Variants in CD8B observed in about 807,000 individuals in gnomAD.
The protein encoded by CD8B is T-cell surface glycoprotein CD8 beta chain.
Under a neutral mutation model 24.2 loss-of-function variants are expected in CD8B, and 6 were observed. That is an observed-to-expected ratio of 0.25 (90% CI 0.14 to 0.49). The LOEUF (loss-of-function observed/expected upper bound fraction) is 0.49, where lower values mean the gene tolerates loss of function less well. Ranked by LOEUF, CD8B falls within the 20% of genes least tolerant of loss-of-function variation. CD8B has a pLI of 0.98. For synonymous variants in CD8B, 84 were observed against 108.3 expected, an observed-to-expected ratio of 0.78 and a Z score of 1.39; for missense variants, 196 against 271.3, an observed-to-expected ratio of 0.72 and a Z score of 1.95.
At chr2:86,853,698 T>C (rs1410494240) in intron 2 of CD8B, among the ~76,000 whole-genome samples, 1 of 151,458 alleles carries the variant, frequency 6.6e-6, no homozygotes, top group Non-Finnish European at 1.5e-5. Flanking sequence ...TTTATTTTTA[T>C]TTATTTATTT....
intron 5 of CD8B, among the ~76,000 whole-genome samples, chr2:86,843,071 C>T (rs912396251): frequency 3.3e-5 from 5 of 152,082 alleles, no homozygotes; most frequent in Non-Finnish European, 5.9e-5. Context: ...GAAAGGTCAT[C>T]ATGGGAGACA....
chr2:86,838,247 A>G lies in CD8B; in HGVS notation c.*4060T>C, dbSNP rs1222979568. Among the ~76,000 whole-genome samples, 1 of 152,228 alleles carries G rather than the reference A, an allele frequency of 6.6e-6. No individual in the cohort carries two copies. Among genetic ancestry groups the G allele is most frequent in the East Asian group, 1.9e-4 (1 of 5,202 alleles). On this transcript the variant is annotated 3_prime_UTR_variant, in exon 6 of 6. Coordinates refer to ENST00000390655, the MANE Select transcript of CD8B (RefSeq NM_004931.5). ...TAAAAATTCACACAAGGAACTGTAC[A>G]AAGCAGAAGTGGAAATTCCGCAGAG...
intron 5 of CD8B, among the ~76,000 whole-genome samples, chr2:86,829,054 C>T (rs1674801709): frequency 6.6e-6 from 1 of 150,574 alleles, no homozygotes; most frequent in Non-Finnish European, 1.5e-5. Flanking sequence ...CACACCAACC[C>T]CTGTCACATT....
At chr2:86,815,842 ACAGAAAGAGC>A in intron 5 of CD8B, 1 of 690,880 alleles carries the variant, frequency 1.4e-6, no homozygotes, top group East Asian at 2.5e-5. Flanking sequence ...CAAATTCAAC[ACAGAAAGAGC>A]CAGGCATATA....
At chr2:86,856,943 A>G (rs1198830605) in intron 2 of CD8B, among the ~76,000 whole-genome samples, 1 of 152,196 alleles carries the variant, frequency 6.6e-6, no homozygotes, top group Non-Finnish European at 1.5e-5. Context: ...CATTATTTAA[A>G]TTAATTTTAC....
At chr2:86,861,486 AG>A (rs904564630) in intron 1 of CD8B, among the ~76,000 whole-genome samples, 4 of 152,142 alleles carry the variant, frequency 2.6e-5, no homozygotes, top group Admixed American at 2.0e-4. Flanking sequence ...GACCCTGGGC[AG>A]GGACCTGTTT....
At chr2:86,849,525 G>T (rs1056293918) in intron 3 of CD8B, among the ~76,000 whole-genome samples, 1 of 151,954 alleles carries the variant, frequency 6.6e-6, no homozygotes, top group Admixed American at 6.6e-5. Context: ...GCTGCCAGGG[G>T]CTGGGAACAG....
intron 5 of CD8B, among the ~76,000 whole-genome samples, chr2:86,829,095 CTTTTTTTTTTT>C (rs746569858): frequency 1.2e-5 from 1 of 82,992 alleles, no homozygotes; most frequent in Non-Finnish European, 2.2e-5. Flanking sequence ...ATGCTCTTTA[CTTTTTTTTTTT>C]TTTTTTTTTT....
downstream of CD8B, among the ~76,000 whole-genome samples, chr2:86,836,383 C>G (rs533622267): frequency 1.3e-5 from 2 of 152,232 alleles, no homozygotes; most frequent in African/African-American, 4.8e-5. Context: ...ACTGCGAGCC[C>G]TGGGGGCCCA....
chr2:86,820,783 T>C (rs1484451162), intron 5 of CD8B, among the ~76,000 whole-genome samples: 1 of 152,168 alleles, frequency 6.6e-6, no homozygotes, highest in Non-Finnish European at 1.5e-5. Flanking sequence ...CTCAAAAATA[T>C]AAAAAATAAC....
At chr2:86,819,991 C>A (rs1043027403) in intron 5 of CD8B, among the ~76,000 whole-genome samples, 1 of 152,116 alleles carries the variant, frequency 6.6e-6, no homozygotes, top group Admixed American at 6.5e-5. Flanking sequence ...GAAGTAACTG[C>A]AAGTATGGTA....
chr2:86,861,793 C>T (rs1484327444), intron 1 of CD8B, 30 bp downstream of exon 1: 1 of 1,270,676 alleles, frequency 7.9e-7, no homozygotes, highest in African/African-American at 1.5e-5. Flanking sequence ...GAGCGCAGAC[C>T]CTTGGGTAGC....
chr2:86,857,735 A>G (rs913955421), intron 2 of CD8B, among the ~76,000 whole-genome samples: 1 of 152,056 alleles, frequency 6.6e-6, no homozygotes, highest in Non-Finnish European at 1.5e-5. Flanking sequence ...AAATAATAAT[A>G]ATAAATAAAT....
Position 86,841,417 on chromosome 2 carries a change from C to G in CD8B, c.*890G>C. ...GCAGCCTGGCTCTGGGTGCCCTGGG[C>G]GCTTCCTAGCCTCTCTAGGACTCTC... is the stretch of plus-strand genomic sequence containing the variant. On this transcript the variant is annotated 3_prime_UTR_variant, in exon 6 of 6. Transcript: ENST00000390655. 4.2e-6 allele frequency: 1 copy of G among 236,500 alleles called. No homozygotes were observed. The highest frequency in any genetic ancestry group is 6.9e-6 in the Non-Finnish European group (1 of 145,940). The allele number at this position is 236,500 out of a possible 1,614,324, so 14.7% of individuals were successfully genotyped here. A position where few individuals can be genotyped will look rare whatever the true frequency, so the allele number is the denominator to read the frequency against.
chr2:86,839,944 C>T lies in CD8B; in HGVS notation c.*2363G>A, dbSNP rs1391620842. 6.6e-6 allele frequency among the ~76,000 whole-genome samples: 1 copy of T among 152,180 alleles called. No homozygotes were observed. The highest frequency in any genetic ancestry group is 1.5e-5 in the Non-Finnish European group (1 of 68,030). On this transcript the variant is annotated 3_prime_UTR_variant, in exon 6 of 6. Transcript: ENST00000390655. ...CTGGTCCAGCTGACCCCAATTCTTT[C>T]ACCCCTCCCCTCAGCCTTGGAAGGC... is the stretch of plus-strand genomic sequence containing the variant.
intron 5 of CD8B, among the ~76,000 whole-genome samples, chr2:86,832,598 G>C (rs1172478565): frequency 6.6e-6 from 1 of 151,832 alleles, no homozygotes; most frequent in East Asian, 1.9e-4. Context: ...GACACTTCAG[G>C]TTGTGAGCCA....
chr2:86,837,028 A>G (rs1675204603), downstream of CD8B, among the ~76,000 whole-genome samples: 1 of 152,106 alleles, frequency 6.6e-6, no homozygotes, highest in Non-Finnish European at 1.5e-5. Flanking sequence ...GTGGTAGTGC[A>G]TGCCCATAGT....
chr2:86,834,763 C>A (rs1259114281), downstream of CD8B, among the ~76,000 whole-genome samples: 2 of 151,940 alleles, frequency 1.3e-5, no homozygotes, highest in African/African-American at 4.8e-5. Flanking sequence ...GGTGAAACCC[C>A]GTCTCTACTA....
At chr2:86,837,561 G>C (rs1048225763), downstream of CD8B, among the ~76,000 whole-genome samples, 194 of 151,040 alleles carry the variant, frequency 1.3e-3, no homozygotes, top group African/African-American at 4.4e-3. Context: ...GGCTCTTTCT[G>C]TCTTTCCCTT....
Sources: allele counts gnomAD v4.1 joint callset (sites outside exome capture counted in the v4.1 genomes callset), GRCh38; gene constraint gnomAD v4.1.1; transcripts MANE v1.5; gene names NCBI Gene and HGNC (gene_info 2026-07-23, HGNC 2026-07-21).